RBBP8: variants seen among roughly 807,000 people sequenced by gnomAD.
The protein encoded by RBBP8 is DNA endonuclease RBBP8.
Under a neutral mutation model 108.3 loss-of-function variants are expected in RBBP8, and 88 were observed. That is an observed-to-expected ratio of 0.81 (90% CI 0.68 to 0.97). The LOEUF (loss-of-function observed/expected upper bound fraction) is 0.97, where lower values mean the gene tolerates loss of function less well. Among genes scored for constraint, RBBP8 ranks in the 50% least tolerant of loss-of-function variants. The pLI, the probability that RBBP8 is intolerant of heterozygous loss-of-function variation, is 0.00. For missense variants in RBBP8, 1,023 were observed against 1,049.0 expected (o/e 0.98, Z 0.34); for synonymous variants, 332 against 348.2 (o/e 0.95, Z 0.52).
chr18:22,963,147 T>G (rs1324141337), intron 4 of RBBP8, among the ~76,000 whole-genome samples: 1 of 152,220 alleles, frequency 6.6e-6, no homozygotes, highest in African/African-American at 2.4e-5. Flanking sequence ...TTCTTCATAT[T>G]GTTTTGCTGT....
At position 22,936,806 on chromosome 18, in the gene RBBP8, G is replaced by A. The variant is rs1910612308; in HGVS notation, c.-46G>A. The A allele has an allele frequency of 1.2e-6, 2 of 1,611,176 alleles. No individual in the cohort carries two copies. The highest frequency in any genetic ancestry group is 1.7e-6 in the Non-Finnish European group (2 of 1,177,946). ...ATACCTCTATAATGTAACAGAAAAG[G>A]TCAGAAAATATTAAGCAAGTAGAAG... On this transcript the variant is annotated 5_prime_UTR_variant, in exon 2 of 19. Coordinates refer to ENST00000327155, the MANE Select transcript of RBBP8 (RefSeq NM_002894.3).
chr18:23,005,386 A>G (rs2046023846), intron 15 of RBBP8, among the ~76,000 whole-genome samples: 1 of 152,112 alleles, frequency 6.6e-6, no homozygotes, highest in Admixed American at 6.6e-5. Context: ...AGAGTATCAC[A>G]CTGTATAAAG....
chr18:23,014,661 A>T (rs1367242274), intron 16 of RBBP8, among the ~76,000 whole-genome samples: 1 of 152,084 alleles, frequency 6.6e-6, no homozygotes, highest in Non-Finnish European at 1.5e-5. Context: ...AATAATGAAT[A>T]AAATAAAATG....
In RBBP8 at chr18:23,018,985, C is replaced by G. The variant is rs2046306131; in HGVS notation, c.2454+2061C>G. On this transcript the variant is annotated intron_variant, in intron 17 of 18. Coordinates refer to ENST00000327155, the MANE Select transcript of RBBP8 (RefSeq NM_002894.3). Reference sequence around the variant, plus strand: ...ATTAAAATTATATGTGAAAGTATGACTAGATTGTAATACAGGTAAGCATTG... The same window carrying G: ...ATTAAAATTATATGTGAAAGTATGAGTAGATTGTAATACAGGTAAGCATTG... 3.3e-5 allele frequency among the ~76,000 whole-genome samples: 5 copies of G among 152,248 alleles called. No homozygotes were observed. The South Asian group carries it at 1.0e-3, about 32-fold the overall frequency.
intron 5 of RBBP8, among the ~76,000 whole-genome samples, chr18:22,971,969 C>T (rs1179599433): frequency 6.6e-6 from 1 of 151,534 alleles, no homozygotes; most frequent in Non-Finnish European, 1.5e-5. Context: ...CTAAAACAGA[C>T]AGGCTTGATA....
At chr18:22,984,267 T>A (rs2144664435) in intron 7 of RBBP8, among the ~76,000 whole-genome samples, 1 of 152,198 alleles carries the variant, frequency 6.6e-6, no homozygotes, top group East Asian at 1.9e-4. Context: ...AATCTTTAAA[T>A]ATTGGAGTGA....
At chr18:22,945,488 A>G (rs911404026) in intron 2 of RBBP8, among the ~76,000 whole-genome samples, 5 of 151,904 alleles carry the variant, frequency 3.3e-5, no homozygotes, top group Admixed American at 6.6e-5. Flanking sequence ...CCCGGGTTCA[A>G]GCGATTCTCC....
upstream of RBBP8, among the ~76,000 whole-genome samples, chr18:22,931,521 T>G (rs1184131096): frequency 6.6e-6 from 1 of 152,216 alleles, no homozygotes; most frequent in Non-Finnish European, 1.5e-5. Context: ...GTATTTTTAT[T>G]CTATTTTTTA....
intron 4 of RBBP8, among the ~76,000 whole-genome samples, chr18:22,962,392 A>T (rs1179951735): frequency 4.0e-5 from 6 of 150,598 alleles, no homozygotes; most frequent in Admixed American, 4.0e-4. Context: ...CTTAAAACTC[A>T]CTCCCTCTCA....
intron 10 of RBBP8, 132 bp downstream of exon 10, chr18:22,991,181 A>G: frequency 1.4e-6 from 1 of 737,172 alleles, no homozygotes; most frequent in African/African-American, 1.8e-5. Flanking sequence ...TGTTTACTTT[A>G]AAAATTGTCT....
At chr18:22,991,929 C>G (rs1356943178) in intron 10 of RBBP8, among the ~76,000 whole-genome samples, 2 of 152,034 alleles carry the variant, frequency 1.3e-5, no homozygotes, top group African/African-American at 4.8e-5. Context: ...GATTTTGTTA[C>G]CCTAATTTTT....
At chr18:22,943,756 G>A (rs1911299899) in intron 2 of RBBP8, among the ~76,000 whole-genome samples, 1 of 152,098 alleles carries the variant, frequency 6.6e-6, no homozygotes, top group African/African-American at 2.4e-5. Context: ...TGTTTAAAAT[G>A]ACAGTACATA....
chr18:22,939,856 A>G (rs910481979), intron 2 of RBBP8, among the ~76,000 whole-genome samples: 7 of 152,192 alleles, frequency 4.6e-5, no homozygotes, highest in Admixed American at 2.0e-4. Context: ...GGGTTTGTGC[A>G]TGGTTTATGT....
intron 14 of RBBP8, among the ~76,000 whole-genome samples, chr18:23,000,885 A>G (rs923984665): frequency 2.6e-5 from 4 of 152,208 alleles, no homozygotes; most frequent in Admixed American, 1.3e-4. Flanking sequence ...AAGAATCATG[A>G]TTTAAGAAGT....
intron 4 of RBBP8, among the ~76,000 whole-genome samples, chr18:22,964,984 C>T (rs1913447195): frequency 6.6e-6 from 1 of 152,058 alleles, no homozygotes; most frequent in East Asian, 1.9e-4. Context: ...CTTCAAATAA[C>T]ATCCTTTCCT....
chr18:22,938,015 CAG>C (rs1205732986), intron 2 of RBBP8, among the ~76,000 whole-genome samples: 3 of 151,798 alleles, frequency 2.0e-5, no homozygotes, highest in Non-Finnish European at 4.4e-5. Context: ...TTTGTAGAGA[CAG>C]AGTTTTGCCT....
chr18:22,917,997 C>T (rs111790216), intron 3 of RBBP8, among the ~76,000 whole-genome samples: 2 of 121,000 alleles, frequency 1.7e-5, no homozygotes, highest in African/African-American at 6.6e-5. Flanking sequence ...GACTCCGTCT[C>T]AAAAAAAAAA....
At chr18:22,992,413 C>T (rs548263924) in intron 10 of RBBP8, among the ~76,000 whole-genome samples, 1 of 152,290 alleles carries the variant, frequency 6.6e-6, no homozygotes, top group Non-Finnish European at 1.5e-5. Context: ...CCAGGCTGGC[C>T]TCGAACTTCT....
chr18:22,963,151 T>C (rs917312282), intron 4 of RBBP8, among the ~76,000 whole-genome samples: 2 of 152,204 alleles, frequency 1.3e-5, no homozygotes, highest in African/African-American at 4.8e-5. Flanking sequence ...TCATATTGTT[T>C]TGCTGTTTAC....
Sources: gnomAD v4.1 joint callset for allele counts (sites outside exome capture counted in the v4.1 genomes callset) on GRCh38, gnomAD v4.1.1 for gene constraint, MANE v1.5 for transcripts, NCBI Gene and HGNC (gene_info 2026-07-23, HGNC 2026-07-21) for gene names.